The following CNTNAP2 variants were observed in gnomAD, a reference collection of about 807,000 sequenced individuals.
CNTNAP2 encodes contactin associated protein 2.
A neutral mutation model predicts 155.2 loss-of-function variants in CNTNAP2; 98 were observed. That is an observed-to-expected ratio of 0.63 (90% CI 0.54 to 0.75). CNTNAP2 has a LOEUF of 0.75. CNTNAP2 is among the 30% of genes least tolerant of loss of function. The probability of loss-of-function intolerance (pLI) is 0.00; values close to 1 mark genes in which losing one functional copy is unlikely to be tolerated. For missense variants in CNTNAP2, 1,727 were observed against 1,688.1 expected, an observed-to-expected ratio of 1.02 and a Z score of -0.40; for synonymous variants, 651 against 631.2, an observed-to-expected ratio of 1.03 and a Z score of -0.47.
At chr7:147,466,528 G>A (rs1482456944) in intron 10 of CNTNAP2, among the ~76,000 whole-genome samples, 1 of 152,124 alleles carries the variant, frequency 6.6e-6, no homozygotes, top group Non-Finnish European at 1.5e-5. Flanking sequence ...AGACACAGGA[G>A]AGCAGGAAAA....
At chr7:146,710,958 G>A (rs565119553) in intron 1 of CNTNAP2, among the ~76,000 whole-genome samples, 2 of 152,082 alleles carry the variant, frequency 1.3e-5, no homozygotes, top group Admixed American at 1.3e-4. Flanking sequence ...GAAAGTTGAG[G>A]CACCTGCCTG....
At chr7:147,949,306 C>A (rs1800879301) in intron 14 of CNTNAP2, among the ~76,000 whole-genome samples, 2 of 151,848 alleles carry the variant, frequency 1.3e-5, no homozygotes, top group African/African-American at 4.8e-5. Context: ...TCCTTCCTGT[C>A]TTCACAATGA....
At chr7:146,985,337 T>TTTTTTG (rs1798096326) in intron 3 of CNTNAP2, among the ~76,000 whole-genome samples, 1 of 109,486 alleles carries the variant, frequency 9.1e-6, no homozygotes, top group African/African-American at 3.2e-5. Context: ...TTTTTTTTTT[T>TTTTTTG]GAGACAGTCT....
intron 3 of CNTNAP2, among the ~76,000 whole-genome samples, chr7:146,913,380 A>C (rs754857354): frequency 6.6e-6 from 1 of 152,118 alleles, no homozygotes; most frequent in Non-Finnish European, 1.5e-5. Flanking sequence ...AAGGTGAAAA[A>C]GTTTGATGAA....
At chr7:147,411,391 A>C (rs937686504) in intron 10 of CNTNAP2, among the ~76,000 whole-genome samples, 2 of 152,214 alleles carry the variant, frequency 1.3e-5, no homozygotes, top group Non-Finnish European at 2.9e-5. Flanking sequence ...CTTGAAGTGA[A>C]AGTTTGGGTC....
intron 1 of CNTNAP2, among the ~76,000 whole-genome samples, chr7:146,182,436 A>G (rs2116838043): frequency 6.6e-6 from 1 of 152,274 alleles, no homozygotes; most frequent in African/African-American, 2.4e-5. Context: ...GTCTACATAT[A>G]GGCAAGCAGA....
At chr7:146,350,364 C>T (rs1274897574) in intron 1 of CNTNAP2, among the ~76,000 whole-genome samples, 3 of 151,854 alleles carry the variant, frequency 2.0e-5, no homozygotes, top group African/African-American at 4.8e-5. Context: ...AAAAAGTGGG[C>T]GAAGGATATG....
chr7:146,468,383 C>T (rs929841076), intron 1 of CNTNAP2, among the ~76,000 whole-genome samples: 6 of 150,828 alleles, frequency 4.0e-5, no homozygotes, highest in Non-Finnish European at 7.4e-5. Flanking sequence ...CAGAATCATG[C>T]AATACACCCA....
At chr7:147,507,410 C>T (rs2116681368) in intron 11 of CNTNAP2, among the ~76,000 whole-genome samples, 1 of 152,230 alleles carries the variant, frequency 6.6e-6, no homozygotes, top group Non-Finnish European at 1.5e-5. Context: ...CACCAGTCCA[C>T]CCTTCAACCC....
At chr7:147,626,672 G>A (rs780031258) in intron 12 of CNTNAP2, among the ~76,000 whole-genome samples, 1 of 152,158 alleles carries the variant, frequency 6.6e-6, no homozygotes, top group Non-Finnish European at 1.5e-5. Flanking sequence ...TGCAGCTGTT[G>A]CTGTCTTGGA....
At chr7:147,794,487 A>G (rs956486208) in intron 13 of CNTNAP2, among the ~76,000 whole-genome samples, 1 of 151,972 alleles carries the variant, frequency 6.6e-6, no homozygotes, top group Non-Finnish European at 1.5e-5. Context: ...AATCTTATAC[A>G]TTCATTTTAT....
At chr7:146,703,996 G>T (rs1800921029) in intron 1 of CNTNAP2, among the ~76,000 whole-genome samples, 1 of 151,968 alleles carries the variant, frequency 6.6e-6, no homozygotes, top group South Asian at 2.1e-4. Flanking sequence ...TTAAGTGGGA[G>T]ACTTTTATAG....
chr7:147,762,723 TGGG>T (rs1433013182), intron 13 of CNTNAP2, among the ~76,000 whole-genome samples: 2 of 60,214 alleles, frequency 3.3e-5, no homozygotes, highest in African/African-American at 1.3e-4. Context: ...GATGTATAAG[TGGG>T]GGGAGGGAGG....
chr7:147,750,346 C>T (rs115242439), intron 13 of CNTNAP2, among the ~76,000 whole-genome samples: 2,741 of 152,244 alleles, frequency 0.018, 74 homozygotes, highest in African/African-American at 0.059. Flanking sequence ...TGTATGTCTG[C>T]ATAGAGATCC....
chr7:146,835,979 G>A (rs984778853), intron 2 of CNTNAP2, among the ~76,000 whole-genome samples: 1 of 152,028 alleles, frequency 6.6e-6, no homozygotes, highest in African/African-American at 2.4e-5. Context: ...ACCCCATGAA[G>A]GTATACCATC....
chr7:147,983,608 G>A (rs529311145), intron 15 of CNTNAP2, among the ~76,000 whole-genome samples: 1 of 152,286 alleles, frequency 6.6e-6, no homozygotes, highest in East Asian at 1.9e-4. Context: ...AAAGACATAA[G>A]ACATCAATCA....
At chr7:146,871,645 T>C (rs931985151) in intron 3 of CNTNAP2, among the ~76,000 whole-genome samples, 6 of 152,100 alleles carry the variant, frequency 3.9e-5, no homozygotes, top group African/African-American at 7.2e-5. Context: ...AATTACTATA[T>C]TTAACAATTA....
intron 11 of CNTNAP2, among the ~76,000 whole-genome samples, chr7:147,512,730 C>T (rs1411418459): frequency 1.3e-5 from 2 of 152,106 alleles, no homozygotes; most frequent in Non-Finnish European, 2.9e-5. Context: ...ATATGCGTGG[C>T]TTTTGGACAA....
At chr7:146,936,717 A>G (rs892626407) in intron 3 of CNTNAP2, among the ~76,000 whole-genome samples, 1 of 152,188 alleles carries the variant, frequency 6.6e-6, no homozygotes, top group Non-Finnish European at 1.5e-5. Flanking sequence ...GCCATACTTC[A>G]ACCAGTCATA....
Sources: allele counts gnomAD v4.1 joint callset (sites outside exome capture counted in the v4.1 genomes callset), GRCh38; gene constraint gnomAD v4.1.1; transcripts MANE v1.5; gene names NCBI Gene and HGNC (gene_info 2026-07-23, HGNC 2026-07-21).